Variants in PHLPP1 observed in about 807,000 individuals in gnomAD.
The protein encoded by PHLPP1 is PH domain and leucine rich repeat protein phosphatase 1.
Under a neutral mutation model 117.2 loss-of-function variants are expected in PHLPP1, and 42 were observed. The ratio of observed to expected loss-of-function variants is 0.36; its 90% CI spans 0.28 to 0.46. PHLPP1 has a LOEUF of 0.46. Among genes scored for constraint, PHLPP1 ranks in the 20% least tolerant of loss-of-function variants. The probability of loss-of-function intolerance (pLI) is 1.00; values close to 1 mark genes in which losing one functional copy is unlikely to be tolerated. For synonymous variants in PHLPP1, 1,042 were observed against 970.7 expected, an observed-to-expected ratio of 1.07 and a Z score of -1.37; for missense variants, 2,084 against 2,241.9, an observed-to-expected ratio of 0.93 and a Z score of 1.42.
intron 1 of PHLPP1, among the ~76,000 whole-genome samples, chr18:62,819,364 A>G (rs1914380879): frequency 6.6e-6 from 1 of 152,250 alleles, no homozygotes; most frequent in Admixed American, 6.5e-5. Context: ...CCATAAAGCA[A>G]CCATTAAGAA....
chr18:62,800,828 G>A (rs896794631), intron 1 of PHLPP1, among the ~76,000 whole-genome samples: 1 of 152,058 alleles, frequency 6.6e-6, no homozygotes, highest in African/African-American at 2.4e-5. Context: ...TTAATAGTGA[G>A]CTTTTGTAAA....
At chr18:62,721,323 C>A (rs1910908949) in intron 1 of PHLPP1, among the ~76,000 whole-genome samples, 2 of 151,938 alleles carry the variant, frequency 1.3e-5, no homozygotes, top group Non-Finnish European at 2.9e-5. Context: ...CGTAATAGTT[C>A]TTTATTCTCT....
chr18:62,940,523 C>A (rs1300828038), intron 10 of PHLPP1, among the ~76,000 whole-genome samples: 3 of 151,770 alleles, frequency 2.0e-5, no homozygotes, highest in African/African-American at 7.3e-5. Flanking sequence ...CGCCACCACA[C>A]CCGGCTAATT....
intron 12 of PHLPP1, among the ~76,000 whole-genome samples, chr18:62,948,304 GAC>G (rs1196632900): frequency 6.6e-6 from 1 of 152,044 alleles, no homozygotes; most frequent in Non-Finnish European, 1.5e-5. Context: ...CAGCCTGGGT[GAC>G]AGAGTGAGAC....
intron 6 of PHLPP1, among the ~76,000 whole-genome samples, chr18:62,898,663 T>C (rs1294896491): frequency 6.6e-6 from 1 of 152,156 alleles, no homozygotes; most frequent in Non-Finnish European, 1.5e-5. Context: ...TTTTCCACAA[T>C]GAGATGTGTA....
chr18:62,865,500 G>A (rs1005006029), intron 4 of PHLPP1, among the ~76,000 whole-genome samples: 9 of 152,074 alleles, frequency 5.9e-5, no homozygotes, highest in African/African-American at 2.2e-4. Context: ...TTATTGGGAA[G>A]TATTTTTGCA....
intron 6 of PHLPP1, among the ~76,000 whole-genome samples, chr18:62,898,345 G>C (rs1441665600): frequency 6.6e-6 from 1 of 152,056 alleles, no homozygotes; most frequent in African/African-American, 2.4e-5. Flanking sequence ...CACCTCATTG[G>C]TTTTCCAGAC....
chr18:62,807,575 C>T (rs747144993), intron 1 of PHLPP1, among the ~76,000 whole-genome samples: 16 of 152,124 alleles, frequency 1.1e-4, no homozygotes, highest in Non-Finnish European at 1.5e-5. Flanking sequence ...CTTGTGTGAA[C>T]GTCATGGAGT....
intron 4 of PHLPP1, among the ~76,000 whole-genome samples, chr18:62,880,415 G>C (rs866871576): frequency 6.6e-6 from 1 of 152,072 alleles, no homozygotes; most frequent in Non-Finnish European, 1.5e-5. Context: ...ACTTGAGTGG[G>C]ATTTTATCCA....
intron 1 of PHLPP1, among the ~76,000 whole-genome samples, chr18:62,824,763 A>G (rs1599067215): frequency 1.3e-5 from 2 of 152,296 alleles, no homozygotes; most frequent in South Asian, 4.1e-4. Flanking sequence ...TCTGAAAAAA[A>G]TGACAAGGTC....
chr18:62,951,436 T>C (rs1195520272), intron 12 of PHLPP1, among the ~76,000 whole-genome samples: 1 of 152,216 alleles, frequency 6.6e-6, no homozygotes. Flanking sequence ...CATGAACTCA[T>C]GCATTTTAGA....
chr18:62,748,226 A>AT (rs1465670122), intron 1 of PHLPP1, among the ~76,000 whole-genome samples: 2 of 150,734 alleles, frequency 1.3e-5, no homozygotes, highest in African/African-American at 4.9e-5. Context: ...TAGCAGGCAA[A>AT]TTCAGGATAG....
chr18:62,851,024 GT>G (rs1599082360), intron 3 of PHLPP1, among the ~76,000 whole-genome samples: 2 of 152,158 alleles, frequency 1.3e-5, no homozygotes, highest in East Asian at 3.8e-4. Flanking sequence ...AGATGTGTGT[GT>G]CCTCAAGAGG....
At chr18:62,919,918 ACT>A in intron 9 of PHLPP1, 39 bp from the exon 10 acceptor site, 1 of 1,443,852 alleles carries the variant, frequency 6.9e-7, no homozygotes, top group Non-Finnish European at 9.5e-7. Context: ...AGTATTCTTT[ACT>A]CTTTTTCATT....
intron 1 of PHLPP1, among the ~76,000 whole-genome samples, chr18:62,752,327 G>A (rs1911883537): frequency 6.6e-6 from 1 of 152,230 alleles, no homozygotes; most frequent in Non-Finnish European, 1.5e-5. Context: ...GAAGCAGGGT[G>A]TTCAAGCAAA....
At chr18:62,831,565 C>T (rs938623736) in intron 2 of PHLPP1, among the ~76,000 whole-genome samples, 1 of 152,122 alleles carries the variant, frequency 6.6e-6, no homozygotes, top group African/African-American at 2.4e-5. Flanking sequence ...TCTTGATCTC[C>T]TGACCTCGTG....
At chr18:62,969,991 CCTTA>C (rs1911008922) in intron 14 of PHLPP1, among the ~76,000 whole-genome samples, 1 of 152,046 alleles carries the variant, frequency 6.6e-6, no homozygotes, top group Non-Finnish European at 1.5e-5. Flanking sequence ...AAACCTTCCA[CCTTA>C]CTATTGTTTT....
Position 62,978,112 on chromosome 18 carries a change from C to A in PHLPP1, c.3985-150C>A. 1.7e-6 allele frequency: 1 copy of A among 599,648 alleles called. No individual in the cohort carries two copies. Among genetic ancestry groups the A allele is most frequent in the Admixed American group, 3.0e-5 (1 of 33,772 alleles). The allele number at this position is 599,648 out of a possible 1,614,324, so 37.1% of individuals were successfully genotyped here. A position where few individuals can be genotyped will look rare whatever the true frequency, so the allele number is the denominator to read the frequency against. ...ATGACAGGTGCACATTAACTACTCA[C>A]TACAGAGTGAGCCCTTCTTTCCTCT... On this transcript the variant is annotated intron_variant, in intron 16 of 16. Transcript: ENST00000262719. This position sits in a 1 kb window ranked among gnomAD's most constrained non-coding sequence, Gnocchi z 7.0.
intron 3 of PHLPP1, among the ~76,000 whole-genome samples, chr18:62,842,629 G>A (rs1252079114): frequency 6.6e-6 from 1 of 152,168 alleles, no homozygotes; most frequent in African/African-American, 2.4e-5. Flanking sequence ...CTCCCAAAGT[G>A]CTGGGATTAC....
Sources: allele counts gnomAD v4.1 joint callset (sites outside exome capture counted in the v4.1 genomes callset), GRCh38; gene constraint gnomAD v4.1.1; non-coding constraint Gnocchi (gnomAD v3.1); transcripts MANE v1.5; gene names NCBI Gene and HGNC (gene_info 2026-07-23, HGNC 2026-07-21).